Variants in POLR3B observed in about 807,000 individuals in gnomAD.
POLR3B encodes the protein DNA-directed RNA polymerase III subunit RPC2.
In POLR3B, 96 loss-of-function variants were observed where a neutral mutation model predicts 147.4. That is an observed-to-expected ratio of 0.65 (90% CI 0.55 to 0.77). POLR3B has a LOEUF of 0.77. Ranked by LOEUF, POLR3B falls within the 30% of genes least tolerant of loss-of-function variation. The probability of loss-of-function intolerance (pLI) is 0.00; values close to 1 mark genes in which losing one functional copy is unlikely to be tolerated. For synonymous variants in POLR3B, 461 were observed against 485.9 expected (o/e 0.95, Z 0.67); for missense variants, 1,036 against 1,413.5 (o/e 0.73, Z 4.28).
rs576723244 is a variant in POLR3B, at chr12:106,508,359, T to C, written c.3273-1061T>C. 2.6e-5 allele frequency among the ~76,000 whole-genome samples: 4 copies of C among 152,338 alleles called. No individual in the cohort carries two copies. The East Asian group carries it at 7.7e-4, about 29-fold the overall frequency. ...TACTGCCCTCCAGAATGGCCAATCC[T>C]TTGTTCACTAAGGAATCCCCCTTCA... On this transcript the variant is annotated intron_variant, in intron 27 of 27. Coordinates refer to ENST00000228347, the MANE Select transcript of POLR3B (RefSeq NM_018082.6).
intron 12 of POLR3B, among the ~76,000 whole-genome samples, chr12:106,412,641 C>T (rs1465428615): frequency 6.6e-6 from 1 of 152,204 alleles, no homozygotes; most frequent in East Asian, 1.9e-4. Context: ...CCAGTTTATA[C>T]AGTTGAGCCA....
intron 16 of POLR3B, 56 bp from the exon 17 acceptor site, chr12:106,437,001 C>T: frequency 1.5e-6 from 2 of 1,325,020 alleles, no homozygotes; most frequent in East Asian, 2.3e-5. Flanking sequence ...AACTAACTTG[C>T]CTGTGTAATT....
intron 6 of POLR3B, among the ~76,000 whole-genome samples, chr12:106,371,252 T>C (rs1478145475): frequency 6.6e-6 from 1 of 152,150 alleles, no homozygotes; most frequent in African/African-American, 2.4e-5. Context: ...CCATCTCACA[T>C]GAGTTAGAAT....
intron 25 of POLR3B, among the ~76,000 whole-genome samples, chr12:106,498,506 G>T (rs967561469): frequency 6.6e-6 from 1 of 152,110 alleles, no homozygotes; most frequent in East Asian, 1.9e-4. Flanking sequence ...AAAACTCCAG[G>T]ACCTAGTGTT....
chr12:106,392,007 G>A (rs534079064), intron 9 of POLR3B, among the ~76,000 whole-genome samples: 3 of 152,148 alleles, frequency 2.0e-5, no homozygotes, highest in Non-Finnish European at 4.4e-5. Flanking sequence ...GTGAGATTAT[G>A]CTGTGTTCCT....
chr12:106,509,455 C>A lies in POLR3B; in HGVS notation c.3308C>A (p.Ser1103Tyr), dbSNP rs1304019962. The stretch of plus-strand genomic sequence containing the variant: ...TGCAAGTCATCCTGCCACGTGTCTT[C>A]CCTCCGTATTCCGTATGCCTGCAAG... ...HYCKSSCHVSSLRIPYACKLL... is the reference protein window; with the variant it reads ...HYCKSSCHVSYLRIPYACKLL... The change falls in exon 28 of 28, where the codon TCC becomes TAC. Residue 1103 changes from serine to tyrosine, a missense_variant. Transcript: ENST00000228347. 2 of 1,613,694 alleles carry A rather than the reference C, an allele frequency of 1.2e-6. No homozygotes were observed. Among genetic ancestry groups the A allele is most frequent in the African/African-American group, 2.7e-5 (2 of 74,878 alleles).
intron 23 of POLR3B, among the ~76,000 whole-genome samples, chr12:106,481,056 T>C (rs2038260367): frequency 1.3e-5 from 2 of 152,156 alleles, no homozygotes; most frequent in South Asian, 4.1e-4. Flanking sequence ...GGTGAAGGTT[T>C]TGCAGCTGTA....
chr12:106,440,580 C>T (rs2037637005), intron 18 of POLR3B, among the ~76,000 whole-genome samples: 1 of 152,222 alleles, frequency 6.6e-6, no homozygotes. Flanking sequence ...GCTGCTTCCT[C>T]TGCCTGGAGC....
chr12:106,413,037 A>G (rs1231569960), intron 12 of POLR3B, among the ~76,000 whole-genome samples: 1 of 152,080 alleles, frequency 6.6e-6, no homozygotes, highest in East Asian at 1.9e-4. Context: ...ATACATACAT[A>G]TATCAGATAT....
At chr12:106,498,778 G>A (rs1246597187) in intron 25 of POLR3B, among the ~76,000 whole-genome samples, 2 of 152,152 alleles carry the variant, frequency 1.3e-5, no homozygotes, top group South Asian at 2.1e-4. Context: ...TAGAGACGAG[G>A]TTTCGCCAAG....
At chr12:106,369,542 A>C in intron 5 of POLR3B, 41 bp from the exon 6 acceptor site, 1 of 1,325,108 alleles carries the variant, frequency 7.5e-7, no homozygotes, top group South Asian at 1.2e-5. Flanking sequence ...ACCCTGTTGC[A>C]GAGAGGAGCA....
At chr12:106,430,999 C>T (rs938429893) in intron 14 of POLR3B, among the ~76,000 whole-genome samples, 2 of 152,186 alleles carry the variant, frequency 1.3e-5, no homozygotes, top group Non-Finnish European at 2.9e-5. Flanking sequence ...CCCTGTGTCA[C>T]GGTCCTTTCT....
chr12:106,488,763 A>T (rs530329097), intron 23 of POLR3B, among the ~76,000 whole-genome samples: 2 of 152,326 alleles, frequency 1.3e-5, no homozygotes, highest in East Asian at 3.9e-4. Context: ...ATTCTAATGG[A>T]GGGAACTCAT....
intron 4 of POLR3B, among the ~76,000 whole-genome samples, chr12:106,368,661 T>C (rs1485076433): frequency 6.6e-6 from 1 of 151,490 alleles, no homozygotes; most frequent in Non-Finnish European, 1.5e-5. Flanking sequence ...AGCCTCTCAA[T>C]GTCCAATCAA....
chr12:106,505,825 G>T (rs557492138), intron 27 of POLR3B, among the ~76,000 whole-genome samples: 1 of 152,288 alleles, frequency 6.6e-6, no homozygotes, highest in African/African-American at 2.4e-5. Context: ...TCCAGACAGA[G>T]CCTCAACTTC....
Position 106,410,810 on chromosome 12 carries a change from A to G in POLR3B, c.967-16A>G. On this transcript the variant is annotated splice_polypyrimidine_tract_variant and intron_variant, in intron 11 of 27. Transcript: ENST00000228347. ...GTCCATTTTCTCAAAATTTTTCTCC[A>G]ATTTCTGACTTACAGGTTAAGGAAT... 1.2e-6 allele frequency: 2 copies of G among 1,613,218 alleles called. No homozygotes were observed.
At chr12:106,477,572 C>G (rs1455126841) in intron 23 of POLR3B, among the ~76,000 whole-genome samples, 3 of 151,896 alleles carry the variant, frequency 2.0e-5, no homozygotes, top group African/African-American at 7.3e-5. Context: ...CGTGGTGCAC[C>G]GTTTTTTAAG....
intron 10 of POLR3B, among the ~76,000 whole-genome samples, chr12:106,403,476 T>C (rs1309687340): frequency 2.6e-5 from 4 of 151,740 alleles, no homozygotes; most frequent in African/African-American, 9.7e-5. Flanking sequence ...ACCCAAAGGA[T>C]TATAAATCAT....
chr12:106,386,205 G>T (rs1378111133), intron 9 of POLR3B, among the ~76,000 whole-genome samples: 2 of 152,088 alleles, frequency 1.3e-5, no homozygotes, highest in Non-Finnish European at 2.9e-5. Context: ...AACTAGCCGG[G>T]CATGGTGGCT....
Sources: allele counts gnomAD v4.1 joint callset (sites outside exome capture counted in the v4.1 genomes callset), GRCh38; gene constraint gnomAD v4.1.1; transcripts MANE v1.5; gene names NCBI Gene and HGNC (gene_info 2026-07-23, HGNC 2026-07-21).